The following THSD7A variants were observed in gnomAD, a reference collection of about 807,000 sequenced individuals.
THSD7A encodes thrombospondin type 1 domain containing 7A, also known as thrombospondin type-1 domain-containing protein 7A.
Under a neutral mutation model 231.3 loss-of-function variants are expected in THSD7A, and 96 were observed. The ratio of observed to expected loss-of-function variants is 0.41; its 90% CI spans 0.35 to 0.49. The LOEUF (loss-of-function observed/expected upper bound fraction) is 0.49, where lower values mean the gene tolerates loss of function less well. Ranked by LOEUF, THSD7A falls within the 20% of genes least tolerant of loss-of-function variation. The pLI is 0.05. For missense variants in THSD7A, 2,290 were observed against 2,070.2 expected (o/e 1.11, Z -2.06); for synonymous variants, 940 against 743.3 (o/e 1.26, Z -4.30).
intron 2 of THSD7A, among the ~76,000 whole-genome samples, chr7:11,595,650 C>A (rs2526110): frequency 6.6e-6 from 1 of 151,916 alleles, no homozygotes; most frequent in Non-Finnish European, 1.5e-5. Flanking sequence ...GTCCAGAATA[C>A]ATACCCTTGA....
At chr7:11,696,176 T>C (rs764793444) in intron 1 of THSD7A, among the ~76,000 whole-genome samples, 1 of 151,392 alleles carries the variant, frequency 6.6e-6, no homozygotes, top group African/African-American at 2.4e-5. Context: ...GATTACTGTG[T>C]AGGGCAAAGC....
chr7:11,500,447 T>A (rs1341764750), intron 6 of THSD7A, among the ~76,000 whole-genome samples: 1 of 151,844 alleles, frequency 6.6e-6, no homozygotes, highest in Non-Finnish European at 1.5e-5. Context: ...AATGATAGGG[T>A]CAAATCCATA....
At chr7:11,699,076 T>C (rs539670534) in intron 1 of THSD7A, among the ~76,000 whole-genome samples, 1 of 151,002 alleles carries the variant, frequency 6.6e-6, no homozygotes, top group African/African-American at 2.4e-5. Flanking sequence ...GCACTTTTTT[T>C]GTAAGGAAAT....
rs531183486 is a variant in THSD7A at position 11,405,957 on chromosome 7, C to G, written c.4237+343G>C. Reference sequence around the variant, plus strand: ...AAACATTGGCCTCTCTTTCTCTCTTCTGGAAATCCCGAATAGGTTATGTTT... The same window carrying G: ...AAACATTGGCCTCTCTTTCTCTCTTGTGGAAATCCCGAATAGGTTATGTTT... On this transcript the variant is annotated intron_variant, in intron 22 of 27. Transcript: ENST00000423059. 7.9e-5 allele frequency among the ~76,000 whole-genome samples: 12 copies of G among 152,306 alleles called. No individual in the cohort carries two copies. In the South Asian group the frequency reaches 2.3e-3, roughly 29 times the overall value.
intron 1 of THSD7A, among the ~76,000 whole-genome samples, chr7:11,729,116 G>A (rs1314735593): frequency 1.3e-5 from 2 of 151,800 alleles, no homozygotes; most frequent in African/African-American, 4.8e-5. Flanking sequence ...TAAACTTTAT[G>A]TGGAGGAAGT....
intron 19 of THSD7A, among the ~76,000 whole-genome samples, chr7:11,408,949 A>G (rs1448909533): frequency 6.6e-6 from 1 of 152,218 alleles, no homozygotes; most frequent in Non-Finnish European, 1.5e-5. Context: ...TTTAAGGTAA[A>G]TAATAGTTTC....
At chr7:11,769,149 A>ATT (rs1245740094) in intron 1 of THSD7A, among the ~76,000 whole-genome samples, 4 of 36,298 alleles carry the variant, frequency 1.1e-4, no homozygotes, top group South Asian at 9.8e-4. Context: ...ATATATATAT[A>ATT]TATATTTTTT....
rs1783999877 is a variant in THSD7A, at chr7:11,417,494, C to A, written c.3493G>T (p.Asp1165Tyr). The part of the protein sequence containing the change: ...SRVCKLPCPE[D>Y]CVISEWGPWT... ...GGACCCCATTCAGATATCACACAGT[C>A]CTCAGGGCATGGTAATTTGCACACT... The change falls in exon 17 of 28, where the codon GAC becomes TAC. Residue 1165 changes from aspartate (D) to tyrosine (Y), a missense_variant. Coordinates refer to ENST00000423059, the MANE Select transcript of THSD7A (RefSeq NM_015204.3). 2 of 1,613,448 alleles carry A rather than the reference C, an allele frequency of 1.2e-6. No individual in the cohort carries two copies. The highest frequency in any genetic ancestry group is 8.5e-7 in the Non-Finnish European group (1 of 1,179,722).
intron 2 of THSD7A, among the ~76,000 whole-genome samples, chr7:11,631,452 T>C (rs1781651402): frequency 6.6e-6 from 1 of 152,044 alleles, no homozygotes; most frequent in African/African-American, 2.4e-5. Context: ...ACGAAAAAAA[T>C]CATAACAAAT....
chr7:11,821,585 C>T (rs1315238666), intron 1 of THSD7A, among the ~76,000 whole-genome samples: 2 of 152,026 alleles, frequency 1.3e-5, no homozygotes, highest in Non-Finnish European at 1.5e-5. Context: ...TTTCTCTGTG[C>T]TGTTTTTCTC....
At position 11,771,740 on chromosome 7, in the gene THSD7A, G is replaced by A. The variant is rs572587524; in HGVS notation, c.190+60017C>T. 4.6e-5 allele frequency among the ~76,000 whole-genome samples: 7 copies of A among 152,232 alleles called. No individual in the cohort carries two copies. The East Asian group carries it at 7.7e-4, about 17-fold the overall frequency. On this transcript the variant is annotated intron_variant, in intron 1 of 27. Transcript: ENST00000423059. ...ATCTATCTCCTCACCCAAATCTCAC[G>A]TGGAATTGGAATCTCCAATGCTGGA...
intron 4 of THSD7A, among the ~76,000 whole-genome samples, chr7:11,546,423 A>C (rs54): frequency 6.6e-6 from 1 of 152,034 alleles, no homozygotes; most frequent in East Asian, 1.9e-4. Context: ...ACAAAGCCAT[A>C]GGCCTGGTCC....
intron 1 of THSD7A, among the ~76,000 whole-genome samples, chr7:11,805,646 G>T (rs193009737): frequency 1.8e-4 from 27 of 152,062 alleles, no homozygotes; most frequent in Middle Eastern, 3.6e-3. Flanking sequence ...TCATTATATG[G>T]TTTTAAAATG....
In THSD7A at chr7:11,831,651, C is replaced by T; in HGVS notation, c.190+106G>A. 1.3e-6 allele frequency: 1 copy of T among 743,926 alleles called. No homozygotes were observed. The highest frequency in any genetic ancestry group is 6.4e-5 in the South Asian group (1 of 15,732). 46.1% of individuals were successfully genotyped at this position (743,926 alleles called of 1,614,324 possible). A position where few individuals can be genotyped will look rare whatever the true frequency, so the allele number is the denominator to read the frequency against. On this transcript the variant is annotated intron_variant, in intron 1 of 27. Transcript: ENST00000423059. The surrounding 1 kb of genome is among the most constrained non-coding windows in gnomAD (Gnocchi z 5.0). ...CATACTTTTTACCTTAGGATACCAG[C>T]ATAACCAAGCCATCCAAAAGCACCG...
intron 6 of THSD7A, among the ~76,000 whole-genome samples, chr7:11,485,140 C>T (rs573716402): frequency 6.6e-6 from 1 of 152,108 alleles, no homozygotes; most frequent in Admixed American, 6.5e-5. Context: ...CTGCCTGCCT[C>T]AGCCTCCCAA....
chr7:11,609,339 T>C (rs540740087), intron 2 of THSD7A, among the ~76,000 whole-genome samples: 1 of 152,228 alleles, frequency 6.6e-6, no homozygotes, highest in Non-Finnish European at 1.5e-5. Flanking sequence ...CCCCGGCCCA[T>C]GAAACCTTCA....
chr7:11,768,787 C>A (rs969100049), intron 1 of THSD7A, among the ~76,000 whole-genome samples: 3 of 151,930 alleles, frequency 2.0e-5, no homozygotes, highest in Non-Finnish European at 4.4e-5. Flanking sequence ...GAAGCCTTAT[C>A]TAAGAATATG....
chr7:11,563,071 A>G (rs1478258120), intron 4 of THSD7A, among the ~76,000 whole-genome samples: 1 of 152,188 alleles, frequency 6.6e-6, no homozygotes, highest in South Asian at 2.1e-4. Flanking sequence ...ATCAAATTCA[A>G]TGTTACCAGT....
intron 1 of THSD7A, among the ~76,000 whole-genome samples, chr7:11,785,730 G>C (rs931166376): frequency 7.9e-5 from 12 of 152,032 alleles, no homozygotes; most frequent in African/African-American, 2.9e-4. Context: ...CACATGTATT[G>C]TATTCACTTT....
Sources: allele counts gnomAD v4.1 joint callset (sites outside exome capture counted in the v4.1 genomes callset), GRCh38; gene constraint gnomAD v4.1.1; non-coding constraint Gnocchi (gnomAD v3.1); transcripts MANE v1.5; gene names NCBI Gene and HGNC (gene_info 2026-07-23, HGNC 2026-07-21).